The following LRRC4C variants were observed in gnomAD, a reference collection of about 807,000 sequenced individuals.
LRRC4C encodes leucine rich repeat containing 4C.
In LRRC4C, 5 loss-of-function variants were observed where a neutral mutation model predicts 33.6. That is an observed-to-expected ratio of 0.15 (90% CI 0.08 to 0.31). The LOEUF (loss-of-function observed/expected upper bound fraction) is 0.31. LRRC4C is among the 10% of genes least tolerant of loss of function. LRRC4C has a pLI of 1.00. For missense variants in LRRC4C, 560 were observed against 796.7 expected, an observed-to-expected ratio of 0.70 and a Z score of 3.58; for synonymous variants, 329 against 302.0, an observed-to-expected ratio of 1.09 and a Z score of -0.93.
At chr11:40,208,388 G>A (rs1217922991) in intron 5 of LRRC4C, among the ~76,000 whole-genome samples, 1 of 152,172 alleles carries the variant, frequency 6.6e-6, no homozygotes, top group African/African-American at 2.4e-5. Flanking sequence ...ATTTACAGAT[G>A]TGCAAAACAG....
At chr11:40,366,128 C>G (rs1260823678) in intron 3 of LRRC4C, among the ~76,000 whole-genome samples, 1 of 151,972 alleles carries the variant, frequency 6.6e-6, no homozygotes, top group Non-Finnish European at 1.5e-5. Context: ...TTAGATTTTT[C>G]CTAAGGTCAT....
At position 41,043,363 on chromosome 11, in the gene LRRC4C, C is replaced by T. The variant is rs147650412; in HGVS notation, c.-495-109640G>A. On this transcript the variant is annotated intron_variant, in intron 1 of 6. Coordinates refer to ENST00000528697, the MANE Select transcript of LRRC4C (RefSeq NM_001258419.2). ...CAGCACTTCCTTGTCCTCTCAGATG[C>T]TGATTGTGGCTAAGGCTACAAATTT... Among the ~76,000 whole-genome samples, 590 of 152,200 alleles carry T rather than the reference C, an allele frequency of 3.9e-3. 4 individuals are homozygous for T. Among genetic ancestry groups the T allele is most frequent in the African/African-American group, 0.013 (560 of 41,528 alleles).
chr11:40,476,798 A>G lies in LRRC4C; in HGVS notation c.-269-157077T>C, dbSNP rs765174659. Reference sequence around the variant, plus strand: ...TTTTAATTTTTTTAATGGTAAGAATAAACTTGGTTCATGCATTATAAACAT... The same window carrying G: ...TTTTAATTTTTTTAATGGTAAGAATGAACTTGGTTCATGCATTATAAACAT... On this transcript the variant is annotated intron_variant, in intron 3 of 6. Coordinates refer to ENST00000528697, the MANE Select transcript of LRRC4C (RefSeq NM_001258419.2). Among the ~76,000 whole-genome samples, 6 of 152,338 alleles carry G rather than the reference A, an allele frequency of 3.9e-5. 1 individual carries two copies. In the South Asian group the frequency reaches 6.2e-4, roughly 16 times the overall value.
At chr11:40,681,221 C>CAG (rs1200402109) in intron 2 of LRRC4C, among the ~76,000 whole-genome samples, 1 of 152,096 alleles carries the variant, frequency 6.6e-6, no homozygotes, top group Non-Finnish European at 1.5e-5. Flanking sequence ...CTGGTCTCAT[C>CAG]AGAACAGGCA....
intron 2 of LRRC4C, among the ~76,000 whole-genome samples, chr11:40,801,983 G>T (rs1951062378): frequency 6.6e-6 from 1 of 152,138 alleles, no homozygotes; most frequent in Admixed American, 6.6e-5. Context: ...CTGCAGGGAG[G>T]ACTAATACAG....
chr11:40,594,503 A>G (rs561401982), intron 3 of LRRC4C, among the ~76,000 whole-genome samples: 2 of 152,348 alleles, frequency 1.3e-5, no homozygotes, highest in Middle Eastern at 3.4e-3. Flanking sequence ...CAAGAGGAAG[A>G]GCAGTAAATA....
chr11:40,576,414 C>T (rs1958195673), intron 3 of LRRC4C, among the ~76,000 whole-genome samples: 1 of 152,092 alleles, frequency 6.6e-6, no homozygotes, highest in African/African-American at 2.4e-5. Flanking sequence ...CTGGACTTGG[C>T]CTATAGCCTT....
intron 4 of LRRC4C, among the ~76,000 whole-genome samples, chr11:40,299,931 C>G (rs1186682140): frequency 6.6e-6 from 1 of 152,146 alleles, no homozygotes; most frequent in Non-Finnish European, 1.5e-5. Flanking sequence ...ATTAGGCTGT[C>G]CTTGCATTGC....
chr11:40,310,194 AT>A (rs1429884622), intron 4 of LRRC4C, among the ~76,000 whole-genome samples: 5 of 152,196 alleles, frequency 3.3e-5, no homozygotes, highest in African/African-American at 1.2e-4. Flanking sequence ...TATTTTATAA[AT>A]TGGAACATAT....
chr11:40,606,650 G>A (rs905227601), intron 3 of LRRC4C, among the ~76,000 whole-genome samples: 5 of 151,860 alleles, frequency 3.3e-5, no homozygotes, highest in Admixed American at 6.6e-5. Context: ...AATTATATAT[G>A]AAGAAGAATA....
At chr11:41,256,430 T>G (rs796384707) in intron 1 of LRRC4C, among the ~76,000 whole-genome samples, 5 of 152,116 alleles carry the variant, frequency 3.3e-5, no homozygotes, top group African/African-American at 1.2e-4. Flanking sequence ...TTGCATTGTT[T>G]CGTCAACCAT....
At chr11:41,228,090 T>C (rs1217540903) in intron 1 of LRRC4C, among the ~76,000 whole-genome samples, 1 of 151,020 alleles carries the variant, frequency 6.6e-6, no homozygotes, top group Non-Finnish European at 1.5e-5. Context: ...AAGAAATTAG[T>C]AGCATATATT....
At chr11:41,140,712 A>G (rs1379787607) in intron 1 of LRRC4C, among the ~76,000 whole-genome samples, 1 of 152,240 alleles carries the variant, frequency 6.6e-6, no homozygotes, top group Non-Finnish European at 1.5e-5. Flanking sequence ...TCCTTTCTGC[A>G]TAACAGATAG....
intron 1 of LRRC4C, among the ~76,000 whole-genome samples, chr11:41,175,868 T>C (rs1378416805): frequency 1.3e-5 from 2 of 152,180 alleles, no homozygotes; most frequent in African/African-American, 2.4e-5. Flanking sequence ...TCATCCTACA[T>C]GTTCTCTTTC....
chr11:40,144,684 T>C (rs999259450), intron 5 of LRRC4C, among the ~76,000 whole-genome samples: 4 of 152,226 alleles, frequency 2.6e-5, no homozygotes, highest in Non-Finnish European at 5.9e-5. Flanking sequence ...AGATTATAAT[T>C]TTTCATTTTG....
intron 4 of LRRC4C, among the ~76,000 whole-genome samples, chr11:40,315,354 C>T (rs1945524881): frequency 6.6e-6 from 1 of 151,608 alleles, no homozygotes; most frequent in Non-Finnish European, 1.5e-5. Flanking sequence ...TTTTATTCTC[C>T]TAGTTTATGT....
At chr11:41,351,085 T>C (rs1333949889) in intron 1 of LRRC4C, among the ~76,000 whole-genome samples, 2 of 152,006 alleles carry the variant, frequency 1.3e-5, no homozygotes, top group African/African-American at 4.8e-5. Flanking sequence ...TTTTAAAAAT[T>C]AGCCAAGCAC....
intron 2 of LRRC4C, among the ~76,000 whole-genome samples, chr11:40,650,335 TAAC>T (rs966261619): frequency 2.6e-5 from 4 of 152,204 alleles, no homozygotes; most frequent in South Asian, 4.1e-4. Context: ...TTTTCCAAAA[TAAC>T]AAGAGATTCA....
chr11:40,851,352 C>T (rs545245241), intron 2 of LRRC4C, among the ~76,000 whole-genome samples: 3 of 152,232 alleles, frequency 2.0e-5, no homozygotes, highest in African/African-American at 7.2e-5. Flanking sequence ...CTGTCCCTCA[C>T]AGCACAGTCC....
Sources: allele counts gnomAD v4.1 joint callset (sites outside exome capture counted in the v4.1 genomes callset), GRCh38; gene constraint gnomAD v4.1.1; transcripts MANE v1.5; gene names NCBI Gene and HGNC (gene_info 2026-07-23, HGNC 2026-07-21).